NGEF: variants seen among roughly 807,000 people sequenced by gnomAD.
NGEF encodes neuronal guanine nucleotide exchange factor, also known as ephexin-1.
NGEF carries 31 observed loss-of-function variants against 80.9 expected under a neutral mutation model. That is an observed-to-expected ratio of 0.38 (90% CI 0.29 to 0.52). The LOEUF is 0.52. Among genes scored for constraint, NGEF ranks in the 20% least tolerant of loss-of-function variants. The pLI, the probability that NGEF is intolerant of heterozygous loss-of-function variation, is 0.84. For missense variants in NGEF, 709 were observed against 926.2 expected (o/e 0.77, Z 3.04); for synonymous variants, 371 against 370.2 (o/e 1.00, Z -0.03).
chr2:232,969,857 T>G (rs183814240), intron 3 of NGEF, among the ~76,000 whole-genome samples: 3 of 152,138 alleles, frequency 2.0e-5, no homozygotes, highest in East Asian at 1.9e-4. Context: ...TATTCAAAAT[T>G]TCCTAGTTTT....
chr2:232,944,726 AATATATATATATATATATAT>A (rs57851903), intron 3 of NGEF, among the ~76,000 whole-genome samples: 9,374 of 108,754 alleles, frequency 0.086, 700 homozygotes, highest in Middle Eastern at 0.18. Flanking sequence ...GACTTTTCCG[AATATATATATATATATATAT>A]ATATATATAT....
At chr2:232,896,840 G>C (rs1480309633) in intron 5 of NGEF, among the ~76,000 whole-genome samples, 2 of 124,134 alleles carry the variant, frequency 1.6e-5, no homozygotes, top group Non-Finnish European at 3.4e-5. Flanking sequence ...GTAGGGTTGA[G>C]GGTGGGGGTG....
intron 1 of NGEF, among the ~76,000 whole-genome samples, chr2:233,001,985 C>T (rs1559244228): frequency 6.6e-6 from 1 of 151,962 alleles, no homozygotes; most frequent in East Asian, 1.9e-4. Flanking sequence ...GCCTGGGCAA[C>T]AGAGAGAGAC....
chr2:232,891,957 T>C (rs1691897577), intron 7 of NGEF, among the ~76,000 whole-genome samples: 1 of 151,498 alleles, frequency 6.6e-6, no homozygotes, highest in South Asian at 2.1e-4. Context: ...GCCCCATGCA[T>C]GTCAGCAGGG....
At chr2:232,887,458 C>A (rs1417402444) in intron 9 of NGEF, among the ~76,000 whole-genome samples, 1 of 147,258 alleles carries the variant, frequency 6.8e-6, no homozygotes, top group Non-Finnish European at 1.5e-5. Context: ...CCAGTGAATC[C>A]CCTCACAGAG....
intron 3 of NGEF, among the ~76,000 whole-genome samples, chr2:232,932,972 G>GGTGGT (rs1693248009): frequency 1.3e-5 from 2 of 151,960 alleles, no homozygotes; most frequent in Non-Finnish European, 1.5e-5. Flanking sequence ...AGCTCAGCAT[G>GGTGGT]GTGGTAGGTG....
chr2:232,940,817 T>C (rs891854071), intron 3 of NGEF, among the ~76,000 whole-genome samples: 7 of 152,210 alleles, frequency 4.6e-5, no homozygotes, highest in African/African-American at 7.2e-5. Flanking sequence ...GACTAGAAGA[T>C]TGATCACCAA....
In NGEF at chr2:232,920,478, C is replaced by T; in HGVS notation, c.634G>A (p.Glu212Lys). 5 of 1,613,200 alleles carry T rather than the reference C, an allele frequency of 3.1e-6. No individual in the cohort carries two copies. The highest frequency in any genetic ancestry group is 1.1e-5 in the South Asian group (1 of 90,906). ...EDNTNGSPAS[E>K]DTPEEEEEEE... ...TCTTCTTCCTCCTCCGGGGTGTCCT[C>T]ACTGGCCGGGGACCCATTGGTATTG... Residue 212 changes from glutamate (E) to lysine (K), a missense_variant, in exon 5 of 15, where the codon GAG (glutamate) becomes AAG (lysine). Transcript: ENST00000264051.
At chr2:232,925,710 G>A (rs1364524480) in intron 4 of NGEF, among the ~76,000 whole-genome samples, 1 of 152,212 alleles carries the variant, frequency 6.6e-6, no homozygotes, top group East Asian at 1.9e-4. Flanking sequence ...CAAGAGGGTG[G>A]AGGTCAAAGT....
chr2:232,976,031 T>C (rs979614341), intron 1 of NGEF, among the ~76,000 whole-genome samples: 1 of 152,020 alleles, frequency 6.6e-6, no homozygotes, highest in Admixed American at 6.6e-5. Flanking sequence ...AGAAACCCTG[T>C]CTCTACTAAA....
chr2:233,008,924 C>G (rs1240112053), intron 1 of NGEF, among the ~76,000 whole-genome samples: 1 of 151,984 alleles, frequency 6.6e-6, no homozygotes, highest in Non-Finnish European at 1.5e-5. Flanking sequence ...CCTCAGCCTC[C>G]CGAGTAGCTG....
intron 9 of NGEF, among the ~76,000 whole-genome samples, chr2:232,887,414 T>C (rs1691727427): frequency 6.6e-6 from 1 of 152,196 alleles, no homozygotes; most frequent in African/African-American, 2.4e-5. Flanking sequence ...CCTTGCACTC[T>C]TGGGCAGCAA....
At chr2:232,879,790 C>G in intron 14 of NGEF, 111 bp from the exon 15 acceptor site, 1 of 1,000,940 alleles carries the variant, frequency 1.0e-6, no homozygotes, top group Non-Finnish European at 1.5e-6. Context: ...AGGGGTCCAG[C>G]TGGCCTTTCC....
intron 1 of NGEF, among the ~76,000 whole-genome samples, chr2:233,003,902 C>A (rs1398944740): frequency 3.3e-5 from 5 of 152,176 alleles, no homozygotes; most frequent in Non-Finnish European, 5.9e-5. Flanking sequence ...GCTTGTTGCT[C>A]CAACTTGGCC....
At chr2:233,006,696 G>A (rs922573022) in intron 1 of NGEF, among the ~76,000 whole-genome samples, 1 of 152,110 alleles carries the variant, frequency 6.6e-6, no homozygotes, top group Non-Finnish European at 1.5e-5. Context: ...AATTTTGCAA[G>A]GGCCAAGAGC....
intron 1 of NGEF, among the ~76,000 whole-genome samples, chr2:232,992,387 G>A (rs996551533): frequency 8.6e-5 from 13 of 151,826 alleles, no homozygotes; most frequent in African/African-American, 2.2e-4. Flanking sequence ...GTGAAACGCC[G>A]TCTCCACTGC....
At chr2:232,967,207 T>G (rs543763953) in intron 3 of NGEF, among the ~76,000 whole-genome samples, 58 of 152,288 alleles carry the variant, frequency 3.8e-4, no homozygotes, top group African/African-American at 1.3e-3. Context: ...TCCTGCCATG[T>G]GAGACACCTG....
chr2:232,980,180 C>A (rs920331253), intron 1 of NGEF, among the ~76,000 whole-genome samples: 1 of 152,142 alleles, frequency 6.6e-6, no homozygotes. Context: ...CAGCTTCAGG[C>A]CCAGGAGCTG....
At chr2:232,909,124 T>A (rs191204914) in intron 5 of NGEF, among the ~76,000 whole-genome samples, 1 of 152,364 alleles carries the variant, frequency 6.6e-6, no homozygotes, top group Admixed American at 6.5e-5. Flanking sequence ...TGAATCGTGT[T>A]AGCAGGCACT....
Sources: gnomAD v4.1 joint callset for allele counts (sites outside exome capture counted in the v4.1 genomes callset) on GRCh38, gnomAD v4.1.1 for gene constraint, MANE v1.5 for transcripts, NCBI Gene and HGNC (gene_info 2026-07-23, HGNC 2026-07-21) for gene names.